ULK4: variants seen among roughly 807,000 people sequenced by gnomAD.
ULK4 encodes the protein inactive serine/threonine-protein kinase ULK4.
A neutral mutation model predicts 160.6 loss-of-function variants in ULK4; 133 were observed. The observed-to-expected ratio is 0.83, with a 90% confidence interval of 0.72 to 0.96. The LOEUF is 0.96. Ranked by LOEUF, ULK4 falls within the 40% of genes least tolerant of loss-of-function variation. The probability of loss-of-function intolerance (pLI) is 0.00; values close to 1 mark genes in which losing one functional copy is unlikely to be tolerated. For synonymous variants in ULK4, 534 were observed against 539.8 expected (o/e 0.99, Z 0.15); for missense variants, 1,580 against 1,499.5 (o/e 1.05, Z -0.89).
intron 32 of ULK4, among the ~76,000 whole-genome samples, chr3:41,542,442 G>A (rs1358792024): frequency 2.0e-5 from 3 of 152,122 alleles, no homozygotes; most frequent in Non-Finnish European, 4.4e-5. Context: ...ATTTTATTGA[G>A]GATTTTTGCA....
chr3:41,615,852 C>T (rs1575486146), intron 30 of ULK4, 135 bp from the exon 31 acceptor site: 1 of 790,184 alleles, frequency 1.3e-6, no homozygotes, highest in East Asian at 2.7e-5. Context: ...ATTAAACATT[C>T]TTTTTAAGAC....
Position 41,789,787 on chromosome 3 carries a change from C to G in ULK4, c.2067G>C (p.Lys689Asn), listed in dbSNP as rs1359920448. ...SPTAFQNVIE[K>N]VGLNSVINSL... The stretch of plus-strand genomic sequence containing the variant: ...AGTTTATTACTGAGTTCAGTCCCAC[C>G]TTTTCAATAACATTCTGGAAGGCAG... The change falls in exon 21 of 37, where the codon AAG becomes AAC. Residue 689 changes from lysine to asparagine, a missense_variant. Transcript: ENST00000301831. 1 of 1,613,376 alleles carries G rather than the reference C, an allele frequency of 6.2e-7. No individual in the cohort carries two copies. Among genetic ancestry groups the G allele is most frequent in the South Asian group, 1.1e-5 (1 of 90,990 alleles).
intron 11 of ULK4, among the ~76,000 whole-genome samples, chr3:41,909,633 T>G (rs1420349924): frequency 6.6e-6 from 1 of 151,896 alleles, no homozygotes; most frequent in Non-Finnish European, 1.5e-5. Context: ...GAGAATCGCT[T>G]GAACCAGGGA....
intron 22 of ULK4, among the ~76,000 whole-genome samples, chr3:41,750,116 A>G (rs2038564650): frequency 6.6e-6 from 1 of 152,188 alleles, no homozygotes; most frequent in Non-Finnish European, 1.5e-5. Context: ...CAAGTATGTG[A>G]GATGTGAGCA....
chr3:41,671,645 C>A (rs2035540996), intron 29 of ULK4, among the ~76,000 whole-genome samples: 1 of 152,048 alleles, frequency 6.6e-6, no homozygotes, highest in Non-Finnish European at 1.5e-5. Flanking sequence ...GAAAACTCTT[C>A]AGGACACTGG....
intron 21 of ULK4, among the ~76,000 whole-genome samples, chr3:41,772,054 T>C (rs1310666570): frequency 6.6e-6 from 1 of 152,184 alleles, no homozygotes; most frequent in African/African-American, 2.4e-5. Flanking sequence ...CCAGAATCTC[T>C]GGGACACATT....
At chr3:41,526,973 T>C (rs1488886192) in intron 32 of ULK4, among the ~76,000 whole-genome samples, 1 of 152,200 alleles carries the variant, frequency 6.6e-6, no homozygotes, top group Non-Finnish European at 1.5e-5. Flanking sequence ...GGAGTTATTG[T>C]TTACCAAGGA....
At chr3:41,578,848 T>C (rs538018555) in intron 31 of ULK4, among the ~76,000 whole-genome samples, 6 of 152,184 alleles carry the variant, frequency 3.9e-5, no homozygotes, top group African/African-American at 9.6e-5. Context: ...AAAGTGACCA[T>C]ATATTGGCCA....
intron 35 of ULK4, among the ~76,000 whole-genome samples, chr3:41,392,323 C>A (rs374967541): frequency 6.6e-6 from 1 of 152,008 alleles, no homozygotes; most frequent in South Asian, 2.1e-4. Context: ...GAAAGAGCAC[C>A]CTAGAGGCAA....
intron 34 of ULK4, among the ~76,000 whole-genome samples, chr3:41,432,968 AAACAT>A (rs1273134696): frequency 3.9e-5 from 6 of 152,330 alleles, no homozygotes; most frequent in Admixed American, 1.3e-4. Flanking sequence ...AGACATTTTA[AAACAT>A]AACATAAAAC....
chr3:41,821,058 T>C (rs6798635), intron 18 of ULK4, among the ~76,000 whole-genome samples: 474 of 152,268 alleles, frequency 3.1e-3, no homozygotes, highest in African/African-American at 0.011. Context: ...CTGTGCCCTC[T>C]CCCTTGGCCC....
chr3:41,803,666 T>C (rs1248235678), intron 19 of ULK4, among the ~76,000 whole-genome samples: 1 of 151,686 alleles, frequency 6.6e-6, no homozygotes, highest in Non-Finnish European at 1.5e-5. Context: ...CCCCAGAGAG[T>C]GATGTTCCCC....
intron 35 of ULK4, among the ~76,000 whole-genome samples, chr3:41,318,271 C>CA (rs1342941027): frequency 6.6e-6 from 1 of 151,812 alleles, no homozygotes; most frequent in Non-Finnish European, 1.5e-5. Context: ...ATTAGAGTCT[C>CA]AAAAAAATTC....
chr3:41,406,887 C>T (rs904538969), intron 34 of ULK4, among the ~76,000 whole-genome samples: 1 of 152,160 alleles, frequency 6.6e-6, no homozygotes, highest in Non-Finnish European at 1.5e-5. Context: ...GAACGGTTGT[C>T]CCTAAGAGAT....
intron 17 of ULK4, among the ~76,000 whole-genome samples, chr3:41,873,911 C>T (rs1199508169): frequency 6.6e-6 from 1 of 150,474 alleles, no homozygotes; most frequent in South Asian, 2.1e-4. Flanking sequence ...GAGGATCACA[C>T]ATAATTTGCA....
intron 32 of ULK4, among the ~76,000 whole-genome samples, chr3:41,517,365 T>C (rs2085785753): frequency 6.6e-6 from 1 of 152,186 alleles, no homozygotes; most frequent in Non-Finnish European, 1.5e-5. Flanking sequence ...GTCAGAGTTC[T>C]GCCCTCATGA....
Position 41,606,929 on chromosome 3 carries a change from T to C in ULK4, c.3120+8740A>G, listed in dbSNP as rs187835480. Among the ~76,000 whole-genome samples, 351 of 152,274 alleles carry C rather than the reference T, an allele frequency of 2.3e-3. 4 individuals carry two copies. Among genetic ancestry groups the C allele is most frequent in the Middle Eastern group, 0.02 (6 of 294 alleles). ...ACAGGTTGTCTCTTCGTCCTGTTTA[T>C]TGTTTCTTTTGCTGTGCAGAAGCTT... On this transcript the variant is annotated intron_variant, in intron 31 of 36. Transcript: ENST00000301831.
chr3:41,516,186 G>A (rs142270429), intron 32 of ULK4, among the ~76,000 whole-genome samples: 7 of 152,202 alleles, frequency 4.6e-5, no homozygotes, highest in East Asian at 1.9e-4. Flanking sequence ...GTTCTGATTC[G>A]TTAGTATAGA....
chr3:41,864,906 A>C (rs1310505416), intron 17 of ULK4, among the ~76,000 whole-genome samples: 3 of 152,024 alleles, frequency 2.0e-5, no homozygotes, highest in Admixed American at 6.6e-5. Context: ...CAATGCCCAG[A>C]TTCCCCCCAG....
Sources: allele counts gnomAD v4.1 joint callset (sites outside exome capture counted in the v4.1 genomes callset), GRCh38; gene constraint gnomAD v4.1.1; transcripts MANE v1.5; gene names NCBI Gene and HGNC (gene_info 2026-07-23, HGNC 2026-07-21).